CHIA: variants seen among roughly 807,000 people sequenced by gnomAD.
CHIA encodes the protein acidic mammalian chitinase.
A neutral mutation model predicts 53.5 loss-of-function variants in CHIA; 47 were observed. The observed-to-expected ratio is 0.88, with a 90% CI of 0.70 to 1.12. The LOEUF is 1.12. CHIA is among the 50% of genes most tolerant of loss of function. CHIA has a pLI of 0.00. For synonymous variants in CHIA, 268 were observed against 222.2 expected (o/e 1.21, Z -1.83); for missense variants, 652 against 592.2 (o/e 1.10, Z -1.05).
chr1:111,290,867 C>G lies in CHIA; in HGVS notation c.-152C>G. ...AGACGGTGCCAAAGCTTCATGAAAC[C>G]TCCTCGTCTGTGCACGAACAGGTGG... On this transcript the variant is annotated 5_prime_UTR_variant, in exon 1 of 12. Transcript: ENST00000369740. The G allele has an allele frequency of 2.7e-6, 1 of 367,622 alleles. No individual in the cohort carries two copies. The highest frequency in any genetic ancestry group is 1.6e-5 in the South Asian group (1 of 60,618). The allele number at this position is 367,622 out of a possible 1,614,324, so 22.8% of individuals were successfully genotyped here. A position where few individuals can be genotyped will look rare whatever the true frequency, so the allele number is the denominator to read the frequency against.
chr1:111,294,928 C>T (rs1404871721), intron 1 of CHIA, among the ~76,000 whole-genome samples: 2 of 152,048 alleles, frequency 1.3e-5, no homozygotes, highest in African/African-American at 4.8e-5. Context: ...CTGTTAAATT[C>T]AGTTTAATAG....
chr1:111,303,348 G>T (rs533242182), intron 1 of CHIA, among the ~76,000 whole-genome samples: 1 of 151,614 alleles, frequency 6.6e-6, no homozygotes, highest in African/African-American at 2.4e-5. Flanking sequence ...TGGCATTATT[G>T]TCTTTCTTTG....
chr1:111,319,359 C>A lies in CHIA; in HGVS notation c.1068C>A (p.Gly356=), dbSNP rs151038298. The change falls in exon 11 of 12, where the codon GGC becomes GGA. Residue 356 remains glycine, a synonymous_variant. Transcript: ENST00000369740. ...GGCTTAAGCACAACAAATTTGGAGG[C>A]GCCATGGTCTGGGCCATTGATCTGG... ...AQWLKHNKFG[G]AMVWAIDLDD... 6.2e-7 allele frequency: 1 copy of A among 1,614,182 alleles called. No individual in the cohort carries two copies. Among genetic ancestry groups the A allele is most frequent in the Non-Finnish European group, 8.5e-7 (1 of 1,180,012 alleles).
At chr1:111,310,105 G>C (rs1258872849) in intron 1 of CHIA, among the ~76,000 whole-genome samples, 1 of 152,150 alleles carries the variant, frequency 6.6e-6, no homozygotes, top group Non-Finnish European at 1.5e-5. Flanking sequence ...GACTTGCTTT[G>C]ATGCCAGACA....
chr1:111,317,920 T>C, intron 7 of CHIA, 66 bp from the exon 8 acceptor site: 1 of 1,611,876 alleles, frequency 6.2e-7, no homozygotes, highest in South Asian at 1.1e-5. Context: ...AGAAGTGGTG[T>C]CCTGTGCCTG....
At chr1:111,316,080 G>T (rs1649136898) in intron 6 of CHIA, 2 of 282,504 alleles carry the variant, frequency 7.1e-6, no homozygotes, top group Admixed American at 9.1e-5. Context: ...ATCAGAAAGT[G>T]TTTCCTAGAG....
intron 1 of CHIA, among the ~76,000 whole-genome samples, chr1:111,301,595 G>A (rs1041436763): frequency 2.0e-5 from 3 of 151,722 alleles, no homozygotes; most frequent in South Asian, 2.1e-4. Context: ...CCAGCTACTC[G>A]GGAGGCTGAG....
intron 1 of CHIA, among the ~76,000 whole-genome samples, chr1:111,309,756 A>T (rs1315471945): frequency 4.6e-5 from 7 of 152,246 alleles, no homozygotes; most frequent in Admixed American, 4.6e-4. Context: ...ATTTCTATGA[A>T]GAGACTCATT....
intron 6 of CHIA, 196 bp downstream of exon 6, chr1:111,315,631 C>A: frequency 1.6e-6 from 1 of 606,170 alleles, no homozygotes; most frequent in Non-Finnish European, 2.9e-6. Flanking sequence ...GAGCTCTGTG[C>A]CAGGCACTGC....
intron 1 of CHIA, among the ~76,000 whole-genome samples, chr1:111,305,545 GGAAGAATATCT>G (rs765812816): frequency 1.1e-4 from 16 of 152,134 alleles, no homozygotes; most frequent in Non-Finnish European, 2.4e-4. Flanking sequence ...TAGTGGTGGG[GGAAGAATATCT>G]GCTACTGTGC....
intron 1 of CHIA, among the ~76,000 whole-genome samples, chr1:111,297,851 A>G (rs894132178): frequency 2.8e-5 from 4 of 142,948 alleles, no homozygotes; most frequent in Non-Finnish European, 6.0e-5. Flanking sequence ...AAAGACATAC[A>G]TAGGCTCAAA....
intron 1 of CHIA, among the ~76,000 whole-genome samples, chr1:111,307,574 T>C (rs1049193362): frequency 6.6e-6 from 1 of 152,010 alleles, no homozygotes; most frequent in Non-Finnish European, 1.5e-5. Flanking sequence ...GAGAAGTATG[T>C]AGGGTAATAG....
intron 1 of CHIA, among the ~76,000 whole-genome samples, chr1:111,299,871 A>T (rs956740513): frequency 5.9e-5 from 9 of 152,202 alleles, no homozygotes; most frequent in African/African-American, 2.2e-4. Flanking sequence ...CTGACGATCA[A>T]CTTCAACAAA....
In CHIA at chr1:111,310,290, TG is replaced by T. The variant is rs1648556384; in HGVS notation, c.-68-108del. The T allele has an allele frequency of 1.6e-5, 20 of 1,255,306 alleles. No homozygotes were observed. The South Asian group carries it at 3.3e-4, about 21-fold the overall frequency. 77.8% of individuals were successfully genotyped at this position (1,255,306 alleles called of 1,614,324 possible). A position where few individuals can be genotyped will look rare whatever the true frequency, so the allele number is the denominator to read the frequency against. ...TGGGCAGAGAAGGTGGTGATGCTGGTGGTGGGAGGGTGTAGGTTGAAGGTCT... is the reference window on the plus strand; with the variant it reads ...TGGGCAGAGAAGGTGGTGATGCTGGTGTGGGAGGGTGTAGGTTGAAGGTCT... On this transcript the variant is annotated intron_variant, in intron 1 of 11. Transcript: ENST00000369740.
chr1:111,293,794 A>G (rs1027064729), intron 1 of CHIA, among the ~76,000 whole-genome samples: 9 of 152,192 alleles, frequency 5.9e-5, no homozygotes, highest in South Asian at 2.1e-4. Flanking sequence ...AAAAACATCA[A>G]TGGGGCCAGA....
intron 1 of CHIA, among the ~76,000 whole-genome samples, chr1:111,304,587 TTTTTG>T (rs1443307317): frequency 1.3e-5 from 2 of 152,190 alleles, no homozygotes; most frequent in Non-Finnish European, 2.9e-5. Flanking sequence ...TTATTTTCTG[TTTTTG>T]TCCAAATTTT....
chr1:111,312,377 T>A lies in CHIA; in HGVS notation c.243T>A (p.Asn81Lys). ...ATGTGACTCTCTACCAAGCTTTCAA[T>A]GGCCTGAAAAATAAGTAGGATGAGG... ...WNDVTLYQAF[N>K]GLKNKNSQLK... Residue 81 changes from asparagine (N) to lysine (K), a missense_variant, in exon 4 of 12, where the codon AAT becomes AAA. Coordinates refer to ENST00000369740, the MANE Select transcript of CHIA (RefSeq NM_201653.4). The A allele has an allele frequency of 6.2e-7, 1 of 1,613,902 alleles. No homozygotes were observed. The highest frequency in any genetic ancestry group is 1.1e-5 in the South Asian group (1 of 91,074).
intron 1 of CHIA, among the ~76,000 whole-genome samples, chr1:111,295,241 C>T (rs552026516): frequency 5.9e-5 from 9 of 152,138 alleles, no homozygotes; most frequent in Non-Finnish European, 1.3e-4. Context: ...AATGCAGTGG[C>T]ACAATCACAG....
chr1:111,294,889 G>A (rs140564367), intron 1 of CHIA, among the ~76,000 whole-genome samples: 2 of 152,096 alleles, frequency 1.3e-5, no homozygotes, highest in Admixed American at 6.5e-5. Flanking sequence ...TAAATCCCTC[G>A]TGAACACAGT....
Sources: allele counts gnomAD v4.1 joint callset (sites outside exome capture counted in the v4.1 genomes callset), GRCh38; gene constraint gnomAD v4.1.1; transcripts MANE v1.5; gene names NCBI Gene and HGNC (gene_info 2026-07-23, HGNC 2026-07-21).